PARD3B: variants seen among roughly 807,000 people sequenced by gnomAD.
The protein encoded by PARD3B is partitioning defective 3 homolog B.
A neutral mutation model predicts 130.2 loss-of-function variants in PARD3B; 103 were observed. The ratio of observed to expected loss-of-function variants is 0.79; its 90% CI spans 0.67 to 0.93. The LOEUF (loss-of-function observed/expected upper bound fraction) is 0.93, where lower values mean the gene tolerates loss of function less well. Among genes scored for constraint, PARD3B ranks in the 40% least tolerant of loss-of-function variants. PARD3B has a pLI of 0.00. For synonymous variants in PARD3B, 583 were observed against 553.2 expected, an observed-to-expected ratio of 1.05 and a Z score of -0.76; for missense variants, 1,609 against 1,499.2, an observed-to-expected ratio of 1.07 and a Z score of -1.21.
chr2:205,219,928 G>C lies in PARD3B; in HGVS notation c.2141-25850G>C, dbSNP rs370971709. On this transcript the variant is annotated intron_variant, in intron 15 of 22. Coordinates refer to ENST00000406610, the MANE Select transcript of PARD3B (RefSeq NM_001302769.2). ...TGATTTGGATATAGCAGGCTTACTT[G>C]TCACGTTTGTAGGAGCCACATAACT... is the stretch of plus-strand genomic sequence containing the variant. 2.6e-5 allele frequency among the ~76,000 whole-genome samples: 4 copies of C among 152,182 alleles called. No homozygotes were observed. The East Asian group carries it at 7.7e-4, about 29-fold the overall frequency.
At chr2:205,524,285 T>G (rs1183336139) in intron 21 of PARD3B, among the ~76,000 whole-genome samples, 1 of 152,104 alleles carries the variant, frequency 6.6e-6, no homozygotes, top group African/African-American at 2.4e-5. Context: ...GTGATTGAAG[T>G]CTCCTTGATT....
At chr2:205,426,459 A>G (rs528611733) in intron 19 of PARD3B, among the ~76,000 whole-genome samples, 3 of 152,208 alleles carry the variant, frequency 2.0e-5, no homozygotes, top group Non-Finnish European at 4.4e-5. Context: ...TCTGCTGTCA[A>G]TAAAGAAAGC....
At chr2:205,113,890 A>T (rs1371029779) in intron 6 of PARD3B, among the ~76,000 whole-genome samples, 1 of 152,132 alleles carries the variant, frequency 6.6e-6, no homozygotes, top group African/African-American at 2.4e-5. Flanking sequence ...TTGTTAGACA[A>T]ATGTTGCAAC....
chr2:204,754,719 T>A (rs2040595079), intron 2 of PARD3B, among the ~76,000 whole-genome samples: 2 of 152,172 alleles, frequency 1.3e-5, no homozygotes, highest in African/African-American at 4.8e-5. Context: ...CTAAAGCACT[T>A]CCCTTTTAAA....
chr2:205,289,879 C>A (rs1376106559), intron 16 of PARD3B, among the ~76,000 whole-genome samples: 1 of 124,834 alleles, frequency 8.0e-6, no homozygotes, highest in Non-Finnish European at 1.8e-5. Flanking sequence ...GAGTCCCCAC[C>A]AGCAAGAAGG....
At chr2:204,698,749 G>A (rs2037737769) in intron 2 of PARD3B, among the ~76,000 whole-genome samples, 2 of 151,914 alleles carry the variant, frequency 1.3e-5, no homozygotes, top group Admixed American at 6.6e-5. Flanking sequence ...ACGTCAATGC[G>A]TGGTCTTACA....
intron 18 of PARD3B, among the ~76,000 whole-genome samples, chr2:205,302,209 T>C (rs913146316): frequency 2.0e-4 from 31 of 151,428 alleles, no homozygotes; most frequent in Admixed American, 2.0e-3. Flanking sequence ...GCTGAGACTA[T>C]AGGCATGCAC....
intron 2 of PARD3B, among the ~76,000 whole-genome samples, chr2:204,882,597 G>C (rs1384196409): frequency 6.6e-6 from 1 of 152,146 alleles, no homozygotes; most frequent in Non-Finnish European, 1.5e-5. Context: ...CACTTTGAAA[G>C]CTGCAGGCTG....
chr2:205,380,850 GA>G (rs2045364945), intron 18 of PARD3B, among the ~76,000 whole-genome samples: 1 of 88,606 alleles, frequency 1.1e-5, no homozygotes, highest in Non-Finnish European at 2.0e-5. Context: ...ATAATATAAA[GA>G]ATACATTATA....
In PARD3B at chr2:205,290,293, C is replaced by T. The variant is rs116315561; in HGVS notation, c.2186-10237C>T. Among the ~76,000 whole-genome samples, 1,218 of 152,290 alleles carry T rather than the reference C, an allele frequency of 8.0e-3. 12 individuals carry two copies. Among genetic ancestry groups the T allele is most frequent in the African/African-American group, 0.028 (1,170 of 41,562 alleles). On this transcript the variant is annotated intron_variant, in intron 16 of 22. Transcript: ENST00000406610. ...TAGTTCATGTGTGTTTATCTTTGCT[C>T]TACACATAGACTAGAATGTCTTTGA... is the stretch of plus-strand genomic sequence containing the variant.
Position 205,158,356 on chromosome 2 carries a change from G to T in PARD3B, c.1435-366G>T, listed in dbSNP as rs917091882. ...GATGTTAAGACTCCATTATCTCTAAGATCTCTTCTGATACCCAGGGCACCC... is the reference window on the plus strand; with the variant it reads ...GATGTTAAGACTCCATTATCTCTAATATCTCTTCTGATACCCAGGGCACCC... On this transcript the variant is annotated intron_variant, in intron 10 of 22. Coordinates refer to ENST00000406610, the MANE Select transcript of PARD3B (RefSeq NM_001302769.2). The surrounding 1 kb of genome is among the most constrained non-coding windows in gnomAD (Gnocchi z 5.4). Among the ~76,000 whole-genome samples the T allele has an allele frequency of 4.6e-5, 7 of 152,220 alleles. No individual in the cohort carries two copies. Among genetic ancestry groups the T allele is most frequent in the African/African-American group, 1.4e-4 (6 of 41,540 alleles).
chr2:205,285,712 A>G lies in PARD3B; in HGVS notation c.2186-14818A>G, dbSNP rs535360626. Among the ~76,000 whole-genome samples, 4 of 152,018 alleles carry G rather than the reference A, an allele frequency of 2.6e-5. No individual in the cohort carries two copies. The South Asian group carries it at 8.3e-4, about 32-fold the overall frequency. Reference sequence around the variant, plus strand: ...GGTGCTGCTCATATTCCAAGGATCTATTTCAGCCTAGAGTCATCATTTTCT... The same window carrying G: ...GGTGCTGCTCATATTCCAAGGATCTGTTTCAGCCTAGAGTCATCATTTTCT... On this transcript the variant is annotated intron_variant, in intron 16 of 22. Coordinates refer to ENST00000406610, the MANE Select transcript of PARD3B (RefSeq NM_001302769.2).
Position 205,176,225 on chromosome 2 carries a change from C to T in PARD3B, c.1792-220C>T, listed in dbSNP as rs2035460022. On this transcript the variant is annotated intron_variant, in intron 12 of 22. Transcript: ENST00000406610. The surrounding 1 kb of genome is among the most constrained non-coding windows in gnomAD (Gnocchi z 5.3). ...GTTAATCCTCTTTTGTGTTGGCTAT[C>T]AGCACTCCTAATCCTTAGCACCACA... Among the ~76,000 whole-genome samples, 1 of 152,194 alleles carries T rather than the reference C, an allele frequency of 6.6e-6. No homozygotes were observed. The highest frequency in any genetic ancestry group is 1.5e-5 in the Non-Finnish European group (1 of 68,030).
At chr2:205,386,884 C>T (rs2045679772) in intron 18 of PARD3B, among the ~76,000 whole-genome samples, 1 of 151,878 alleles carries the variant, frequency 6.6e-6, no homozygotes, top group Non-Finnish European at 1.5e-5. Context: ...TCCCCCTATC[C>T]CTAAGAAACT....
intron 2 of PARD3B, among the ~76,000 whole-genome samples, chr2:204,829,924 G>A (rs535568696): frequency 1.9e-4 from 29 of 150,356 alleles, no homozygotes; most frequent in South Asian, 6.3e-4. Context: ...GCGTGAACCC[G>A]GGAGGCGGAG....
At position 205,592,248 on chromosome 2, in the gene PARD3B, G is replaced by A. The variant is rs2041831; in HGVS notation, c.3261-23208G>A. Among the ~76,000 whole-genome samples the A allele has an allele frequency of 0.42, 63,429 of 152,026 alleles. 13,796 individuals carry two copies. Among genetic ancestry groups the A allele is most frequent in the South Asian group, 0.52 (2,500 of 4,818 alleles). On this transcript the variant is annotated intron_variant, in intron 22 of 22. Transcript: ENST00000406610. The surrounding 1 kb of genome is among the most constrained non-coding windows in gnomAD (Gnocchi z 4.5). ...CCCAGTGCTCTTGTTTACTATAGTGGGCTGAGCGTAACATCAAGGTTGACT... is the reference window on the plus strand; with the variant it reads ...CCCAGTGCTCTTGTTTACTATAGTGAGCTGAGCGTAACATCAAGGTTGACT...
intron 22 of PARD3B, among the ~76,000 whole-genome samples, chr2:205,569,920 A>G (rs116269017): frequency 1.2e-3 from 180 of 152,208 alleles, no homozygotes; most frequent in African/African-American, 4.1e-3. Context: ...TGTTGAACTG[A>G]CACACACACC....
chr2:205,439,951 T>C (rs2047653529), intron 19 of PARD3B, among the ~76,000 whole-genome samples: 1 of 152,204 alleles, frequency 6.6e-6, no homozygotes. Flanking sequence ...ACTAAATTAC[T>C]GAAGTCGTAG....
intron 1 of PARD3B, among the ~76,000 whole-genome samples, chr2:204,652,911 A>C (rs2035529603): frequency 6.6e-6 from 1 of 151,052 alleles, no homozygotes; most frequent in African/African-American, 2.5e-5. Flanking sequence ...GTTTCGAACA[A>C]CCAGATCTCC....
Sources: allele counts gnomAD v4.1 joint callset (sites outside exome capture counted in the v4.1 genomes callset), GRCh38; gene constraint gnomAD v4.1.1; non-coding constraint Gnocchi (gnomAD v3.1); transcripts MANE v1.5; gene names NCBI Gene and HGNC (gene_info 2026-07-23, HGNC 2026-07-21).